GPRIN2: variants seen among roughly 807,000 people sequenced by gnomAD.
GPRIN2 encodes G protein-regulated inducer of neurite outgrowth 2.
In GPRIN2, 1 loss-of-function variant was observed where a neutral mutation model predicts 0.3. The observed-to-expected ratio is 3.90, with a 90% CI of 1.39 to 18.51. GPRIN2 has a LOEUF of 18.51. Ranked by LOEUF, GPRIN2 falls within the 30% of genes most tolerant of loss-of-function variation. GPRIN2 has a pLI of 0.11. For missense variants in GPRIN2, 880 were observed against 604.2 expected, an observed-to-expected ratio of 1.46 and a Z score of -4.79; for synonymous variants, 361 against 258.6, an observed-to-expected ratio of 1.40 and a Z score of -3.80.
chr10:46,551,812 G>T (rs888491726), intron 2 of GPRIN2, among the ~76,000 whole-genome samples: 1 of 152,426 alleles, frequency 6.6e-6, no homozygotes, highest in South Asian at 2.1e-4. Context: ...CCCCTTTCCC[G>T]ACCCTCCAGC....
rs1327020248 is a variant in GPRIN2 at position 46,543,788 on chromosome 10, A to G, written c.*5572T>C. Reference sequence around the variant, plus strand: ...TGGGGAGCTCGTATTTTGGGGCCAGACCTTCCTCCTTGCTGGGCTATCTCG... The same window carrying G: ...TGGGGAGCTCGTATTTTGGGGCCAGGCCTTCCTCCTTGCTGGGCTATCTCG... On this transcript the variant is annotated 3_prime_UTR_variant, in exon 3 of 3. Coordinates refer to ENST00000374314, the MANE Select transcript of GPRIN2 (RefSeq NM_001385282.1). 2.0e-5 allele frequency among the ~76,000 whole-genome samples: 3 copies of G among 152,310 alleles called. No individual in the cohort carries two copies. Among genetic ancestry groups the G allele is most frequent in the Non-Finnish European group, 2.9e-5 (2 of 68,058 alleles).
Position 46,542,422 on chromosome 10 carries a change from G to C in GPRIN2, c.*6938C>G, listed in dbSNP as rs1185601502. Among the ~76,000 whole-genome samples, 4 of 152,428 alleles carry C rather than the reference G, an allele frequency of 2.6e-5. No homozygotes were observed. Among genetic ancestry groups the C allele is most frequent in the African/African-American group, 9.6e-5 (4 of 41,608 alleles). ...ATCGTGGGGGCGGTTCCCCCATGCT[G>C]TTCTTGTGATAGTAAGTTCTCACGA... On this transcript the variant is annotated 3_prime_UTR_variant, in exon 3 of 3. Coordinates refer to ENST00000374314, the MANE Select transcript of GPRIN2 (RefSeq NM_001385282.1).
At position 46,551,348 on chromosome 10, in the gene GPRIN2, A is replaced by G. The variant is rs1343202718; in HGVS notation, c.-6-606T>C. ...ACTGAGAATCACCCTGGGCTTCCAC[A>G]ACCACCCCCATCCTCCTTGGCCTAG... On this transcript the variant is annotated intron_variant, in intron 2 of 2. Transcript: ENST00000374314. The G allele has an allele frequency of 3.1e-6, 3 of 975,362 alleles. No homozygotes were observed. In the African/African-American group the frequency reaches 5.3e-5, roughly 17 times the overall value. The allele number at this position is 975,362 out of a possible 1,614,324, so 60.4% of individuals were successfully genotyped here.
At chr10:46,550,916 A>C (rs1431502458) in intron 2 of GPRIN2, among the ~76,000 whole-genome samples, 174 bp from the exon 3 acceptor site, 1 of 152,306 alleles carries the variant, frequency 6.6e-6, no homozygotes, top group Non-Finnish European at 1.5e-5. Context: ...CAGACACTTC[A>C]AATCAAGGTC....
chr10:46,548,739 C>T lies in GPRIN2; in HGVS notation c.*621G>A, dbSNP rs1294827381. On this transcript the variant is annotated 3_prime_UTR_variant, in exon 3 of 3. Transcript: ENST00000374314. The stretch of plus-strand genomic sequence containing the variant: ...GGACCGGGCACATGCTACAGGGCAA[C>T]ACCCACGGCTCAGCTGGCCCTGGCT... Among the ~76,000 whole-genome samples, 3 of 152,422 alleles carry T rather than the reference C, an allele frequency of 2.0e-5. No homozygotes were observed. The highest frequency in any genetic ancestry group is 7.2e-5 in the African/African-American group (3 of 41,608).
At position 46,550,806 on chromosome 10, in the gene GPRIN2, C is replaced by T. The variant is rs1221032833; in HGVS notation, c.-6-64G>A. On this transcript the variant is annotated intron_variant, in intron 2 of 2. Transcript: ENST00000374314. Reference sequence around the variant, plus strand: ...GGTGGCAGCACCTAAGCCGATTCTACTATGAACTCCCACAGTGCTAGGTTC... The same window carrying T: ...GGTGGCAGCACCTAAGCCGATTCTATTATGAACTCCCACAGTGCTAGGTTC... 5.4e-6 allele frequency: 8 copies of T among 1,470,568 alleles called. No homozygotes were observed. The African/African-American group carries it at 7.1e-5, about 13-fold the overall frequency. 91.1% of individuals were successfully genotyped at this position (1,470,568 alleles called of 1,614,324 possible).
chr10:46,549,851 G>A lies in GPRIN2; in HGVS notation c.886C>T (p.Leu296Phe), dbSNP rs1195176600. 4 of 1,614,132 alleles carry A rather than the reference G, an allele frequency of 2.5e-6. No individual in the cohort carries two copies. Among genetic ancestry groups the A allele is most frequent in the Non-Finnish European group, 2.5e-6 (3 of 1,180,056 alleles). The change falls in exon 3 of 3, where the codon CTT (leucine) becomes TTT (phenylalanine). Residue 296 changes from leucine to phenylalanine, a missense_variant. Leu to Phe is a conservative substitution (Grantham distance 22, BLOSUM62 0). Transcript: ENST00000374314. Reference protein sequence around the residue: ...LPGHSHCCAHLWGPAGLVPEP... With the variant: ...LPGHSHCCAHFWGPAGLVPEP... Reference sequence around the variant, plus strand: ...GGGACTAACCCAGCGGGACCCCAAAGGTGGGCACAGCAATGGGAATGCCCA... The same window carrying A: ...GGGACTAACCCAGCGGGACCCCAAAAGTGGGCACAGCAATGGGAATGCCCA...
rs1831815279 is a variant in GPRIN2 at position 46,556,549 on chromosome 10, G to A, written c.-169C>T. On this transcript the variant is annotated 5_prime_UTR_variant, in exon 1 of 3. Coordinates refer to ENST00000374314, the MANE Select transcript of GPRIN2 (RefSeq NM_001385282.1). ...CGGGGGAAGCGCTGCTCCTGCGGCCGCCACAGGTGCCAGGTGCCGCGGCCC... is the reference window on the plus strand; with the variant it reads ...CGGGGGAAGCGCTGCTCCTGCGGCCACCACAGGTGCCAGGTGCCGCGGCCC... Among the ~76,000 whole-genome samples the A allele has an allele frequency of 2.3e-4, 35 of 152,242 alleles. No homozygotes were observed. Among genetic ancestry groups the A allele is most frequent in the African/African-American group, 8.2e-4 (34 of 41,506 alleles).
At position 46,554,598 on chromosome 10, in the gene GPRIN2, C is replaced by T. The variant is rs945811483; in HGVS notation, c.-20G>A. On this transcript the variant is annotated 5_prime_UTR_variant, in exon 2 of 3. Coordinates refer to ENST00000374314, the MANE Select transcript of GPRIN2 (RefSeq NM_001385282.1). ...TTTGAACGATACCTTAATGTTCTCT[C>T]TCCTGCCCCATTTGATGCCGAAGTT... is the stretch of plus-strand genomic sequence containing the variant. 2 of 153,316 alleles carry T rather than the reference C, an allele frequency of 1.3e-5. No individual in the cohort carries two copies. Among genetic ancestry groups the T allele is most frequent in the South Asian group, 2.1e-4 (1 of 4,856 alleles). The allele number at this position is 153,316 out of a possible 1,614,324, so 9.5% of individuals were successfully genotyped here. A position where few individuals can be genotyped will look rare whatever the true frequency, so the allele number is the denominator to read the frequency against.
chr10:46,545,189 A>C lies in GPRIN2; in HGVS notation c.*4171T>G, dbSNP rs922809090. On this transcript the variant is annotated 3_prime_UTR_variant, in exon 3 of 3. Transcript: ENST00000374314. Reference sequence around the variant, plus strand: ...CATGGATGCAAATGTCAATGGGTGCACCCCCAGATGCCTGTGACTCCCTCT... The same window carrying C: ...CATGGATGCAAATGTCAATGGGTGCCCCCCCAGATGCCTGTGACTCCCTCT... Among the ~76,000 whole-genome samples, 23 of 152,428 alleles carry C rather than the reference A, an allele frequency of 1.5e-4. No individual in the cohort carries two copies. The highest frequency in any genetic ancestry group is 2.1e-4 in the South Asian group (1 of 4,834).
rs1842148333 is a variant in GPRIN2, at chr10:46,546,236, G to T, written c.*3124C>A. ...TGTCTTGTGTCCTGGACACAAGACA[G>T]GCAGGCCCAGAGGGGACAAGCTATA... On this transcript the variant is annotated 3_prime_UTR_variant, in exon 3 of 3. Coordinates refer to ENST00000374314, the MANE Select transcript of GPRIN2 (RefSeq NM_001385282.1). Among the ~76,000 whole-genome samples the T allele has an allele frequency of 6.6e-6, 1 of 152,296 alleles. No individual in the cohort carries two copies. The highest frequency in any genetic ancestry group is 1.5e-5 in the Non-Finnish European group (1 of 68,056).
Position 46,550,555 on chromosome 10 carries a change from G to T in GPRIN2, c.182C>A (p.Ala61Asp). 1 of 1,588,458 alleles carries T rather than the reference G, an allele frequency of 6.3e-7. No homozygotes were observed. Among genetic ancestry groups the T allele is most frequent in the South Asian group, 1.2e-5 (1 of 86,838 alleles). ...QLGEASTRPQ[A>D]PEEEGNPPES... is the part of the protein sequence containing the mutation. ...AGGCGGGTTCCCCTCTTCCTCCGGG[G>T]CCTGGGGTCTGGTGCTGGCCTCGCC... The change falls in exon 3 of 3, where the codon GCC (alanine) becomes GAC (aspartate). Residue 61 changes from alanine to aspartate, a missense_variant. Physicochemically the swap from Ala to Asp is moderately radical, Grantham distance 126. Transcript: ENST00000374314.
In GPRIN2 at chr10:46,546,954, C is replaced by A. The variant is rs1842213123; in HGVS notation, c.*2406G>T. Among the ~76,000 whole-genome samples the A allele has an allele frequency of 6.6e-6, 1 of 152,312 alleles. No homozygotes were observed. Among genetic ancestry groups the A allele is most frequent in the Non-Finnish European group, 1.5e-5 (1 of 68,058 alleles). The stretch of plus-strand genomic sequence containing the variant: ...GGCCTGCCATCCTGGCAAGCCAGGG[C>A]AGCATGGAGGTAGCACAGAGTGGCA... On this transcript the variant is annotated 3_prime_UTR_variant, in exon 3 of 3. Coordinates refer to ENST00000374314, the MANE Select transcript of GPRIN2 (RefSeq NM_001385282.1).
rs1832532453 is a variant in GPRIN2, at chr10:46,549,976, C to T, written c.761G>A (p.Gly254Glu). 1 of 1,614,248 alleles carries T rather than the reference C, an allele frequency of 6.2e-7. No individual in the cohort carries two copies. Among genetic ancestry groups the T allele is most frequent in the Admixed American group, 1.7e-5 (1 of 60,036 alleles). The part of the protein sequence containing the change: ...GGCCHALPAT[G>E]ILAFPKLVAS... Reference sequence around the variant, plus strand: ...CACTAGTTTGGGAAAGGCCAGGATCCCTGTGGCAGGTAGGGCATGGCAGCA... The same window carrying T: ...CACTAGTTTGGGAAAGGCCAGGATCTCTGTGGCAGGTAGGGCATGGCAGCA... Residue 254 changes from glycine to glutamate, a missense_variant, in exon 3 of 3, where the codon GGG becomes GAG. Physicochemically the swap from Gly to Glu is moderately conservative, Grantham distance 98. Transcript: ENST00000374314.
chr10:46,556,289 G>C (rs1188932524), intron 1 of GPRIN2, among the ~76,000 whole-genome samples: 6 of 152,428 alleles, frequency 3.9e-5, no homozygotes, highest in Middle Eastern at 3.4e-3. Flanking sequence ...CAGAGGAGAC[G>C]TAGAAGAGGG....
intron 2 of GPRIN2, among the ~76,000 whole-genome samples, chr10:46,552,941 G>A (rs1842776827): frequency 1.3e-5 from 2 of 152,308 alleles, no homozygotes; most frequent in South Asian, 4.1e-4. Flanking sequence ...CTCTAAGATG[G>A]ACATACAAAC....
At chr10:46,552,662 A>G (rs927710591) in intron 2 of GPRIN2, among the ~76,000 whole-genome samples, 3 of 152,310 alleles carry the variant, frequency 2.0e-5, no homozygotes, top group African/African-American at 7.2e-5. Flanking sequence ...TCCAATAGGT[A>G]GGCACCAATG....
Position 46,547,105 on chromosome 10 carries a change from C to T in GPRIN2, c.*2255G>A, listed in dbSNP as rs1209195101. Among the ~76,000 whole-genome samples, 1 of 152,308 alleles carries T rather than the reference C, an allele frequency of 6.6e-6. No individual in the cohort carries two copies. Among genetic ancestry groups the T allele is most frequent in the Admixed American group, 6.5e-5 (1 of 15,294 alleles). On this transcript the variant is annotated 3_prime_UTR_variant, in exon 3 of 3. Transcript: ENST00000374314. ...CCCTTTCTGCACCTGCTGAACATGC[C>T]ATTCACCTTGACCCAGGTAGTGGCC...
In GPRIN2 at chr10:46,549,878, G is replaced by A. The variant is rs1832564379; in HGVS notation, c.859C>T (p.Pro287Ser). 3.8e-5 allele frequency: 61 copies of A among 1,614,172 alleles called. No individual in the cohort carries two copies. In the East Asian group the frequency reaches 5.4e-4, roughly 14 times the overall value. The change falls in exon 3 of 3, where the codon CCT (proline) becomes TCT (serine). Residue 287 changes from proline (P) to serine (S), a missense_variant. Transcript: ENST00000374314. ...TGGGCACAGCAATGGGAATGCCCAG[G>A]GAGCCCCCCAGACAACCTACAGTGG... ...KIHCRLSGGL[P>S]GHSHCCAHLW...
Sources: gnomAD v4.1 joint callset for allele counts (sites outside exome capture counted in the v4.1 genomes callset) on GRCh38, gnomAD v4.1.1 for gene constraint, MANE v1.5 for transcripts, NCBI Gene and HGNC (gene_info 2026-07-23, HGNC 2026-07-21) for gene names.